PTK2: variants seen among roughly 807,000 people sequenced by gnomAD.
The protein encoded by PTK2 is protein tyrosine kinase 2.
A neutral mutation model predicts 150.1 loss-of-function variants in PTK2; 45 were observed. The observed-to-expected ratio is 0.30, with a 90% confidence interval of 0.24 to 0.38. PTK2 has a LOEUF of 0.38. Among genes scored for constraint, PTK2 ranks in the 10% least tolerant of loss-of-function variants. The pLI is 1.00. For missense variants in PTK2, 919 were observed against 1,307.3 expected, an observed-to-expected ratio of 0.70 and a Z score of 4.58; for synonymous variants, 432 against 449.2, an observed-to-expected ratio of 0.96 and a Z score of 0.48.
upstream of PTK2, chr8:141,001,345 G>A (rs1290695653): frequency 1.3e-5 from 2 of 149,560 alleles, no homozygotes; most frequent in African/African-American, 4.9e-5. Context: ...TCCTCTCTCG[G>A]CAGCGCACGC....
chr8:140,788,852 T>C (rs577895942), intron 14 of PTK2, among the ~76,000 whole-genome samples: 2 of 152,320 alleles, frequency 1.3e-5, no homozygotes, highest in African/African-American at 4.8e-5. Flanking sequence ...CATATACAGA[T>C]GGTATATGTA....
chr8:140,867,163 G>A (rs1599470629), intron 4 of PTK2, among the ~76,000 whole-genome samples: 1 of 152,078 alleles, frequency 6.6e-6, no homozygotes, highest in African/African-American at 2.4e-5. Context: ...CAAGTCAATG[G>A]CATGCTGTGC....
At chr8:140,910,179 G>A (rs546975098) in intron 2 of PTK2, among the ~76,000 whole-genome samples, 3 of 152,216 alleles carry the variant, frequency 2.0e-5, no homozygotes, top group South Asian at 4.1e-4. Flanking sequence ...TAACATATAT[G>A]ATATTCTAAC....
intron 1 of PTK2, among the ~76,000 whole-genome samples, chr8:140,936,518 C>A (rs1045716047): frequency 6.6e-6 from 1 of 152,064 alleles, no homozygotes; most frequent in Non-Finnish European, 1.5e-5. Flanking sequence ...TGACTCACTG[C>A]ACCCGACCAA....
intron 29 of PTK2, chr8:140,669,340 T>TACATATATATATATATAC (rs1563956211): frequency 3.0e-4 from 40 of 132,858 alleles, no homozygotes; most frequent in African/African-American, 1.1e-3. Context: ...TATATATATA[T>TACATATATATATATATAC]ACACTTTTTA....
chr8:140,778,780 G>T (rs570089620), intron 14 of PTK2, among the ~76,000 whole-genome samples: 22 of 152,228 alleles, frequency 1.4e-4, no homozygotes, highest in Admixed American at 5.2e-4. Flanking sequence ...AGAAACCAGA[G>T]AAGACAAAAA....
chr8:140,913,297 C>CT (rs59811549), intron 2 of PTK2, among the ~76,000 whole-genome samples: 59 of 130,240 alleles, frequency 4.5e-4, no homozygotes, highest in African/African-American at 1.7e-3. Flanking sequence ...TAAAATTAAA[C>CT]TTTTTTTTTT....
chr8:140,667,233 T>C (rs548921063), intron 30 of PTK2, among the ~76,000 whole-genome samples: 1 of 152,278 alleles, frequency 6.6e-6, no homozygotes, highest in East Asian at 1.9e-4. Flanking sequence ...GCTTCTGAAA[T>C]GTATGCTTAA....
chr8:140,880,607 T>C (rs561156441), intron 3 of PTK2, among the ~76,000 whole-genome samples: 19 of 152,250 alleles, frequency 1.2e-4, no homozygotes, highest in Admixed American at 4.6e-4. Flanking sequence ...TGAAAGAAAA[T>C]AATCACTGCT....
At chr8:140,945,581 CCTTT>C (rs1469449754) in intron 1 of PTK2, among the ~76,000 whole-genome samples, 4 of 137,384 alleles carry the variant, frequency 2.9e-5, no homozygotes, top group African/African-American at 5.1e-5. Flanking sequence ...CAAAATGAGA[CCTTT>C]ATTTCTCAAA....
chr8:140,669,331 A>G (rs1274370598), intron 29 of PTK2: 1 of 142,148 alleles, frequency 7.0e-6, no homozygotes, highest in African/African-American at 2.6e-5. Flanking sequence ...ATATATATAT[A>G]TATATATATA....
chr8:140,917,829 CTA>C (rs1409339258), intron 2 of PTK2, among the ~76,000 whole-genome samples: 1 of 152,128 alleles, frequency 6.6e-6, no homozygotes, highest in Non-Finnish European at 1.5e-5. Context: ...ACAGTAAGTG[CTA>C]TACAAGACCA....
intron 29 of PTK2, chr8:140,673,993 T>C: frequency 2.0e-6 from 1 of 491,554 alleles, no homozygotes; most frequent in Non-Finnish European, 4.0e-6. Flanking sequence ...TGGCACTTTG[T>C]TCTAAAGAAA....
chr8:140,941,863 G>A (rs1007995385), intron 1 of PTK2, among the ~76,000 whole-genome samples: 12 of 142,476 alleles, frequency 8.4e-5, no homozygotes, highest in Admixed American at 1.4e-4. Context: ...GCACCACCAC[G>A]CCCAGCTAAC....
rs537231510 is a variant in PTK2, at chr8:140,892,086, T to C, written c.-32-1317A>G. On this transcript the variant is annotated intron_variant, in intron 2 of 31. Transcript: ENST00000522684. ...GCTTGGGCGTGGTAGCGTGTTCCTG[T>C]AGTCCCAGCTACTCAGGAGGCTAAG... Among the ~76,000 whole-genome samples the C allele has an allele frequency of 2.4e-4, 37 of 152,326 alleles. No homozygotes were observed. In the South Asian group the frequency reaches 7.2e-3, roughly 30 times the overall value.
intron 2 of PTK2, among the ~76,000 whole-genome samples, chr8:140,897,964 C>T (rs1312226601): frequency 6.6e-6 from 1 of 152,170 alleles, no homozygotes; most frequent in Non-Finnish European, 1.5e-5. Context: ...CTTTTGCGCA[C>T]TACATAATAT....
At chr8:140,987,034 A>G (rs941870597) in intron 1 of PTK2, among the ~76,000 whole-genome samples, 5 of 152,186 alleles carry the variant, frequency 3.3e-5, no homozygotes, top group Admixed American at 6.5e-5. Context: ...ATCAAAACGT[A>G]TAATTTATGC....
chr8:140,980,641 T>TA (rs1273439819), intron 1 of PTK2, among the ~76,000 whole-genome samples: 1 of 151,380 alleles, frequency 6.6e-6, no homozygotes, highest in Non-Finnish European at 1.5e-5. Flanking sequence ...AAAAATAAAA[T>TA]AAAGTTCAAA....
chr8:140,847,165 T>C (rs985063604), intron 5 of PTK2, among the ~76,000 whole-genome samples: 22 of 152,314 alleles, frequency 1.4e-4, no homozygotes, highest in African/African-American at 5.1e-4. Context: ...TGCAGATGTA[T>C]TTTCTGACCT....
Sources: gnomAD v4.1 joint callset for allele counts (sites outside exome capture counted in the v4.1 genomes callset) on GRCh38, gnomAD v4.1.1 for gene constraint, MANE v1.5 for transcripts, NCBI Gene and HGNC (gene_info 2026-07-23, HGNC 2026-07-21) for gene names.